The following KAT7 variants were observed in gnomAD, a reference collection of about 807,000 sequenced individuals.
The protein encoded by KAT7 is lysine acetyltransferase 7.
A neutral mutation model predicts 82.1 loss-of-function variants in KAT7; 10 were observed. The ratio of observed to expected loss-of-function variants is 0.12; its 90% CI spans 0.08 to 0.21. KAT7 has a LOEUF of 0.21. Among genes scored for constraint, KAT7 ranks in the 10% least tolerant of loss-of-function variants. KAT7 has a pLI of 1.00. For missense variants in KAT7, 378 were observed against 760.9 expected (o/e 0.50, Z 5.92); for synonymous variants, 250 against 262.5 (o/e 0.95, Z 0.46).
chr17:49,794,348 T>G (rs1338646942), intron 2 of KAT7, among the ~76,000 whole-genome samples: 1 of 152,196 alleles, frequency 6.6e-6, no homozygotes, highest in Non-Finnish European at 1.5e-5. Flanking sequence ...TGCAGTGGCA[T>G]GATCTTGGTT....
At chr17:49,794,727 C>T (rs778981449) in intron 2 of KAT7, among the ~76,000 whole-genome samples, 27 of 152,218 alleles carry the variant, frequency 1.8e-4, no homozygotes, top group Non-Finnish European at 3.2e-4. Flanking sequence ...GCCCTAGACA[C>T]CTGAAAACTA....
Position 49,805,456 on chromosome 17 carries a change from T to C in KAT7, c.663+11T>C. 1 of 1,588,836 alleles carries C rather than the reference T, an allele frequency of 6.3e-7. No homozygotes were observed. The highest frequency in any genetic ancestry group is 8.6e-7 in the Non-Finnish European group (1 of 1,157,396). ...GCTGACGAATGCAAGGTAATTGTGCTCTCATTTATTCAACACATGCTTATT... is the reference window on the plus strand; with the variant it reads ...GCTGACGAATGCAAGGTAATTGTGCCCTCATTTATTCAACACATGCTTATT... On this transcript the variant is annotated intron_variant, in intron 5 of 14. Transcript: ENST00000259021.
chr17:49,814,669 G>A (rs553350072), intron 7 of KAT7, among the ~76,000 whole-genome samples: 17 of 151,870 alleles, frequency 1.1e-4, no homozygotes, highest in African/African-American at 3.9e-4. Context: ...AGGTTATTAG[G>A]ACCCAACCTC....
Position 49,817,958 on chromosome 17 carries a change from T to C in KAT7, c.1102T>C (p.Cys368Arg). 1 of 1,613,854 alleles carries C rather than the reference T, an allele frequency of 6.2e-7. No homozygotes were observed. Among genetic ancestry groups the C allele is most frequent in the Non-Finnish European group, 8.5e-7 (1 of 1,179,780 alleles). ...EYARLGRLYM[C>R]EFCLKYMKSQ... ...TGCACGGCTGGGACGTCTCTATATG[T>C]GTGAATTCTGTTTAAAATATATGAA... is the stretch of plus-strand genomic sequence containing the variant. The change falls in exon 9 of 15, where the codon TGT (cysteine) becomes CGT (arginine). Residue 368 changes from cysteine (C) to arginine (R), a missense_variant. Cys to Arg is a radical substitution (Grantham distance 180). Coordinates refer to ENST00000259021, the MANE Select transcript of KAT7 (RefSeq NM_007067.5).
intron 3 of KAT7, 26 bp from the exon 4 acceptor site, chr17:49,798,293 A>G: frequency 6.2e-7 from 1 of 1,608,400 alleles, no homozygotes; most frequent in Non-Finnish European, 8.5e-7. Flanking sequence ...TCCACTCATA[A>G]CTTCTACCAA....
At chr17:49,814,356 C>A (rs1160337592) in intron 7 of KAT7, among the ~76,000 whole-genome samples, 2 of 152,134 alleles carry the variant, frequency 1.3e-5, no homozygotes, top group Non-Finnish European at 2.9e-5. Context: ...CTATAGGGTA[C>A]CAGATTGTTT....
chr17:49,791,321 C>T (rs2143832979), intron 1 of KAT7, among the ~76,000 whole-genome samples: 1 of 152,242 alleles, frequency 6.6e-6, no homozygotes, highest in Non-Finnish European at 1.5e-5. Flanking sequence ...TATTGATCTC[C>T]AAATGGTCTT....
intron 9 of KAT7, among the ~76,000 whole-genome samples, chr17:49,821,090 A>ATCTTTAT (rs1567863439): frequency 2.0e-5 from 3 of 152,216 alleles, no homozygotes; most frequent in African/African-American, 7.2e-5. Flanking sequence ...CCTGGGCTAA[A>ATCTTTAT]GTAGTGCCAG....
Position 49,792,035 on chromosome 17 carries a change from TA to T in KAT7, c.163+9del. 2 of 1,612,598 alleles carry T rather than the reference TA, an allele frequency of 1.2e-6. No individual in the cohort carries two copies. Among genetic ancestry groups the T allele is most frequent in the South Asian group, 1.1e-5 (1 of 91,022 alleles). ...CCAGGCTAAGCCAGAGTTCTCAAGG[TA>T]AAAAAACCTTCATTTTTCCTTACCA... On this transcript the variant is annotated splice_donor_region_variant and intron_variant, in intron 2 of 14. Transcript: ENST00000259021.
chr17:49,795,885 T>C (rs1170647681), intron 2 of KAT7, among the ~76,000 whole-genome samples: 3 of 152,200 alleles, frequency 2.0e-5, no homozygotes, highest in Non-Finnish European at 4.4e-5. Flanking sequence ...CTAATTGGTC[T>C]GTACTGCATG....
At chr17:49,808,226 A>C (rs117024504) in intron 5 of KAT7, among the ~76,000 whole-genome samples, 1 of 148,300 alleles carries the variant, frequency 6.7e-6, no homozygotes, top group Non-Finnish European at 1.5e-5. Flanking sequence ...GATTCAAGCA[A>C]TTCTCATGCC....
At chr17:49,813,327 C>T (rs2074193136) in intron 7 of KAT7, among the ~76,000 whole-genome samples, 1 of 152,112 alleles carries the variant, frequency 6.6e-6, no homozygotes, top group African/African-American at 2.4e-5. Context: ...CCTCCAGTTG[C>T]ATCCATGTCG....
At chr17:49,815,448 A>C in intron 7 of KAT7, 1 of 161,826 alleles carries the variant, frequency 6.2e-6, no homozygotes. Context: ...GATTCTGGGA[A>C]TTTGTAGTGT....
intron 4 of KAT7, among the ~76,000 whole-genome samples, chr17:49,801,872 T>C (rs1308645615): frequency 6.6e-6 from 1 of 152,118 alleles, no homozygotes. Context: ...AAGTTTGAAG[T>C]GCATTAAGTA....
chr17:49,799,008 C>G (rs1305639978), intron 4 of KAT7, among the ~76,000 whole-genome samples: 1 of 152,202 alleles, frequency 6.6e-6, no homozygotes, highest in African/African-American at 2.4e-5. Context: ...ACATGAGACC[C>G]TGGCCTTCTG....
At chr17:49,820,083 T>C (rs1349341947) in intron 9 of KAT7, among the ~76,000 whole-genome samples, 1 of 152,190 alleles carries the variant, frequency 6.6e-6, no homozygotes, top group African/African-American at 2.4e-5. Context: ...AGTGAGACTC[T>C]GTTGCTTCAA....
chr17:49,794,469 A>G (rs2073929439), intron 2 of KAT7, among the ~76,000 whole-genome samples: 1 of 152,184 alleles, frequency 6.6e-6, no homozygotes, highest in Admixed American at 6.5e-5. Context: ...TATTTTTAGT[A>G]GAGACAGGGT....
Position 49,833,818 on chromosome 17 carries a change from CCA to C in KAT7, c.*6320_*6321del, listed in dbSNP as rs2144022549. 1.3e-5 allele frequency: 2 copies of C among 152,272 alleles called. No individual in the cohort carries two copies. The highest frequency in any genetic ancestry group is 2.9e-5 in the Non-Finnish European group (2 of 68,038). 9.4% of individuals were successfully genotyped at this position (152,272 alleles called of 1,614,324 possible). On this transcript the variant is annotated 3_prime_UTR_variant, in exon 15 of 15. Coordinates refer to ENST00000259021, the MANE Select transcript of KAT7 (RefSeq NM_007067.5). ...GAGAATTATGAGAATACTGTTTTAA[CCA>C]CACGTTTTGGAATGGTTTGATACAT...
chr17:49,796,461 A>G (rs2073957443), intron 2 of KAT7, among the ~76,000 whole-genome samples: 2 of 152,218 alleles, frequency 1.3e-5, no homozygotes. Flanking sequence ...GCTTGGAGAA[A>G]ATAACTTGCC....
Sources: gnomAD v4.1 joint callset for allele counts (sites outside exome capture counted in the v4.1 genomes callset) on GRCh38, gnomAD v4.1.1 for gene constraint, MANE v1.5 for transcripts, NCBI Gene and HGNC (gene_info 2026-07-23, HGNC 2026-07-21) for gene names.